AMZ1: variants seen among roughly 807,000 people sequenced by gnomAD.
AMZ1 encodes archaemetzincin-1.
AMZ1 carries 39 observed loss-of-function variants against 29.9 expected under a neutral mutation model. The observed-to-expected ratio is 1.30, with a 90% CI of 1.01 to 1.70. The LOEUF (loss-of-function observed/expected upper bound fraction) is 1.70. Among genes scored for constraint, AMZ1 ranks in the 40% most tolerant of loss-of-function variants. AMZ1 has a pLI of 0.00. For synonymous variants in AMZ1, 458 were observed against 304.0 expected, an observed-to-expected ratio of 1.51 and a Z score of -5.27; for missense variants, 1,041 against 680.6, an observed-to-expected ratio of 1.53 and a Z score of -5.89.
rs367970613 is a variant in AMZ1 at position 2,733,430 on chromosome 7, C to T, written n.550+23614C>T. 2.9e-5 allele frequency: 46 copies of T among 1,609,552 alleles called. No individual in the cohort carries two copies. The East Asian group carries it at 3.1e-4, about 11-fold the overall frequency. ...TTCTAACCCTGGAGCCCAGCTTCTT[C>T]GGGCGGGCGTGCTTACTCACCAGCT... On this transcript the variant is annotated intron_variant and non_coding_transcript_variant, in intron 4 of 4. Transcript: ENST00000489665.
chr7:2,720,362 AG>A (rs1789366811), downstream of AMZ1, among the ~76,000 whole-genome samples: 1 of 152,188 alleles, frequency 6.6e-6, no homozygotes, highest in South Asian at 2.1e-4. Context: ...TGACAAAAAG[AG>A]AAAGACTAGT....
At chr7:2,683,652 A>G (rs997114241), upstream of AMZ1, among the ~76,000 whole-genome samples, 10 of 151,884 alleles carry the variant, frequency 6.6e-5, no homozygotes, top group Admixed American at 6.6e-4. Flanking sequence ...GTTAGCCAGG[A>G]TGGTCTCGAT....
At chr7:2,696,418 G>T (rs1270131732) in intron 1 of AMZ1, among the ~76,000 whole-genome samples, 3 of 150,584 alleles carry the variant, frequency 2.0e-5, no homozygotes, top group Admixed American at 2.0e-4. Context: ...CACCACGCCT[G>T]GCTAATTTTT....
At chr7:2,738,534 G>T (rs541122454) in intron 4 of AMZ1, among the ~76,000 whole-genome samples, 12 of 152,228 alleles carry the variant, frequency 7.9e-5, no homozygotes, top group African/African-American at 2.6e-4. Flanking sequence ...TGTAAGAAAT[G>T]GCGGGAGACT....
chr7:2,694,265 G>A (rs149147870), intron 1 of AMZ1, among the ~76,000 whole-genome samples: 5 of 152,240 alleles, frequency 3.3e-5, no homozygotes, highest in Admixed American at 6.5e-5. Flanking sequence ...TTCCTGCCTC[G>A]CCGCTGGAGC....
chr7:2,708,754 C>T (rs752311178), intron 4 of AMZ1, 38 bp downstream of exon 4: 3 of 1,610,516 alleles, frequency 1.9e-6, no homozygotes, highest in Non-Finnish European at 2.5e-6. Flanking sequence ...TGGGGGGTAG[C>T]CTGGCATGGG....
chr7:2,683,524 G>A (rs1362327890), upstream of AMZ1, among the ~76,000 whole-genome samples: 14 of 151,970 alleles, frequency 9.2e-5, no homozygotes, highest in African/African-American at 3.4e-4. Flanking sequence ...TGCAAGCTCC[G>A]CCTCCCAGGT....
intron 4 of AMZ1, among the ~76,000 whole-genome samples, chr7:2,737,849 T>C (rs1285545746): frequency 6.6e-6 from 1 of 152,248 alleles, no homozygotes. Flanking sequence ...TGATTTCCAC[T>C]GAATAGAGAC....
chr7:2,762,463 C>T, upstream of AMZ1: 1 of 609,422 alleles, frequency 1.6e-6, no homozygotes, highest in South Asian at 3.0e-5. Flanking sequence ...AAAGTCCAGC[C>T]TCTGAACCCA....
chr7:2,684,782 G>A (rs1290796516), upstream of AMZ1, among the ~76,000 whole-genome samples: 1 of 152,166 alleles, frequency 6.6e-6, no homozygotes, highest in Non-Finnish European at 1.5e-5. Context: ...GGGGCACCCA[G>A]GAGGGGCCCT....
At chr7:2,726,829 T>C (rs1789640171) in intron 4 of AMZ1, among the ~76,000 whole-genome samples, 1 of 152,208 alleles carries the variant, frequency 6.6e-6, no homozygotes. Context: ...GACGGTGCCC[T>C]TGCTTCCTGT....
chr7:2,717,424 G>A lies in AMZ1; in HGVS notation c.*4546G>A, dbSNP rs1000875527. On this transcript the variant is annotated 3_prime_UTR_variant, in exon 7 of 7. Transcript: ENST00000683327. ...AGAGACTCACGGGGGCCTGGCTGCC[G>A]TCCTGGGAGAGGCCCCGGGAACCGG... Among the ~76,000 whole-genome samples the A allele has an allele frequency of 2.6e-5, 4 of 152,202 alleles. No individual in the cohort carries two copies. Among genetic ancestry groups the A allele is most frequent in the East Asian group, 1.9e-4 (1 of 5,194 alleles).
chr7:2,722,253 T>G (rs1408169975), downstream of AMZ1, among the ~76,000 whole-genome samples: 1 of 150,868 alleles, frequency 6.6e-6, no homozygotes, highest in Non-Finnish European at 1.5e-5. Flanking sequence ...TCAAATGGAG[T>G]TAAGAAAAAG....
rs541450389 is a variant in AMZ1 at position 2,716,497 on chromosome 7, C to T, written c.*3619C>T. 1 of 96,602 alleles carries T rather than the reference C, an allele frequency of 1.0e-5. No homozygotes were observed. The highest frequency in any genetic ancestry group is 9.9e-5 in the Admixed American group (1 of 10,066). The allele number at this position is 96,602 out of a possible 1,614,324, so 6.0% of individuals were successfully genotyped here. A position where few individuals can be genotyped will look rare whatever the true frequency, so the allele number is the denominator to read the frequency against. ...GACCTTTCCCCGATGAACGAAATCTCCAAAAGCCTTAAACATAAAATGGCT... is the reference window on the plus strand; with the variant it reads ...GACCTTTCCCCGATGAACGAAATCTTCAAAAGCCTTAAACATAAAATGGCT... On this transcript the variant is annotated 3_prime_UTR_variant, in exon 7 of 7. Coordinates refer to ENST00000683327, the MANE Select transcript of AMZ1 (RefSeq NM_001384743.1).
Position 2,718,523 on chromosome 7 carries a change from C to T in AMZ1, c.*5645C>T, listed in dbSNP as rs1344425391. ...CTGACTCTTGGACGCTGGTGGCAGC[C>T]GCGGGCGCCCACTCACCTGGCACGT... On this transcript the variant is annotated 3_prime_UTR_variant, in exon 7 of 7. Transcript: ENST00000683327. 9.2e-5 allele frequency among the ~76,000 whole-genome samples: 14 copies of T among 152,210 alleles called. No homozygotes were observed. Among genetic ancestry groups the T allele is most frequent in the Admixed American group, 9.2e-4 (14 of 15,284 alleles).
upstream of AMZ1, chr7:2,762,751 C>T: frequency 6.4e-7 from 1 of 1,552,328 alleles, no homozygotes. Flanking sequence ...GCAGGAAGTG[C>T]ACCAGGCCCG....
chr7:2,725,855 C>A (rs183027061), intron 4 of AMZ1, among the ~76,000 whole-genome samples: 19 of 152,294 alleles, frequency 1.2e-4, no homozygotes, highest in Non-Finnish European at 1.6e-4. Context: ...GAACCATCCC[C>A]TTCCAGGGCA....
Position 2,702,740 on chromosome 7 carries a change from T to G in AMZ1, c.323T>G (p.Val108Gly), listed in dbSNP as rs762820375. The G allele has an allele frequency of 6.5e-7, 1 of 1,536,828 alleles. No homozygotes were observed. Among genetic ancestry groups the G allele is most frequent in the Non-Finnish European group, 8.7e-7 (1 of 1,143,784 alleles). ...CCACCAGACCTGAGCGAGGAGCCGG[T>G]GGGAAGCTCCCTGCTGCACCAGCTG... ...LQPIDLSEEP[V>G]GSSLLHQLCS... Residue 108 changes from valine to glycine, a missense_variant, in exon 3 of 7, where the codon GTG becomes GGG. Coordinates refer to ENST00000683327, the MANE Select transcript of AMZ1 (RefSeq NM_001384743.1).
chr7:2,748,694 A>C (rs1208668369), intron 4 of AMZ1, among the ~76,000 whole-genome samples: 1 of 152,232 alleles, frequency 6.6e-6, no homozygotes, highest in Non-Finnish European at 1.5e-5. Flanking sequence ...TCTGCACAGC[A>C]AAAGAAACTA....
Sources: gnomAD v4.1 joint callset for allele counts (sites outside exome capture counted in the v4.1 genomes callset) on GRCh38, gnomAD v4.1.1 for gene constraint, MANE v1.5 for transcripts, NCBI Gene and HGNC (gene_info 2026-07-23, HGNC 2026-07-21) for gene names.